MMP10: variants seen among roughly 807,000 people sequenced by gnomAD.
MMP10 encodes the protein matrix metallopeptidase 10.
In MMP10, 50 loss-of-function variants were observed where a neutral mutation model predicts 49.1. The observed-to-expected ratio is 1.02, with a 90% confidence interval of 0.81 to 1.29. The LOEUF (loss-of-function observed/expected upper bound fraction) is 1.29. MMP10 is among the 50% of genes most tolerant of loss of function. The pLI is 0.00. For missense variants in MMP10, 613 were observed against 563.8 expected, an observed-to-expected ratio of 1.09 and a Z score of -0.88; for synonymous variants, 229 against 201.6, an observed-to-expected ratio of 1.14 and a Z score of -1.15.
intron 9 of MMP10, among the ~76,000 whole-genome samples, chr11:102,771,583 C>T (rs1861976236): frequency 1.3e-5 from 2 of 152,168 alleles, no homozygotes; most frequent in African/African-American, 2.4e-5. Flanking sequence ...TGCAGGCAAT[C>T]GCAGACTGCA....
Position 102,776,743 on chromosome 11 carries a change from A to G in MMP10, c.656T>C (p.Leu219Pro). 6.2e-7 allele frequency: 1 copy of G among 1,614,064 alleles called. No individual in the cohort carries two copies. Among genetic ancestry groups the G allele is most frequent in the South Asian group, 1.1e-5 (1 of 91,080 alleles). Residue 219 changes from leucine to proline, a missense_variant, in exon 5 of 10, where the codon CTT becomes CCT. Physicochemically the swap from Leu to Pro is moderately conservative, Grantham distance 98 (BLOSUM62 -3). Transcript: ENST00000279441. ...TNLFLVAAHELGHSLGLFHSA... is the reference protein window; with the variant it reads ...TNLFLVAAHEPGHSLGLFHSA... ...GTGAAAGAGCCCCAGGGAGTGGCCA[A>G]GTTCATGAGCAGCAACGAGGAATAA...
chr11:102,778,802 CT>C (rs1209465590), intron 3 of MMP10, 53 bp from the exon 4 acceptor site: 2 of 1,600,994 alleles, frequency 1.2e-6, no homozygotes, highest in Non-Finnish European at 1.7e-6. Flanking sequence ...TCTTTTTACC[CT>C]GTTCCAATTA....
chr11:102,770,525 C>G lies in MMP10; in HGVS notation c.*268G>C. ...AGTAAGGAACAGGCCCAAAATAAAA[C>G]TTTTTATTGAGGAAGTAATAACACA... On this transcript the variant is annotated 3_prime_UTR_variant, in exon 10 of 10. Transcript: ENST00000279441. 3.1e-6 allele frequency: 1 copy of G among 326,724 alleles called. No homozygotes were observed. Among genetic ancestry groups the G allele is most frequent in the South Asian group, 8.3e-5 (1 of 12,066 alleles). The allele number at this position is 326,724 out of a possible 1,614,324, so 20.2% of individuals were successfully genotyped here.
At chr11:102,776,873 C>T (rs1857749000) in intron 4 of MMP10, 97 bp from the exon 5 acceptor site, 7 of 1,369,092 alleles carry the variant, frequency 5.1e-6, no homozygotes, top group Non-Finnish European at 6.1e-6. Context: ...TCCTTGAAAC[C>T]ACAATGTCTT....
rs567322328 is a variant in MMP10 at position 102,772,034 on chromosome 11, A to C, written c.1308T>G (p.Val436=). ...TACCAAATGCCTGTAATACAGCATC[A>C]ACCTTAGGCTCAACTCCTGGAAAGT... ...ADDFPGVEPK[V]DAVLQAFGFF... Residue 436 remains valine, a synonymous_variant, in exon 9 of 10, where the codon GTT becomes GTG. Coordinates refer to ENST00000279441, the MANE Select transcript of MMP10 (RefSeq NM_002425.3). The surrounding 1 kb of genome is among the most constrained non-coding windows in gnomAD (Gnocchi z 4.4). 4 of 1,612,402 alleles carry C rather than the reference A, an allele frequency of 2.5e-6. No individual in the cohort carries two copies. The Admixed American group carries it at 6.7e-5, about 27-fold the overall frequency.
At chr11:102,771,885 C>A in intron 9 of MMP10, 127 bp downstream of exon 9, 1 of 681,684 alleles carries the variant, frequency 1.5e-6, no homozygotes, top group Non-Finnish European at 2.5e-6. Flanking sequence ...TTAAGATTTT[C>A]AGGAATTTGG....
intron 6 of MMP10, among the ~76,000 whole-genome samples, chr11:102,775,574 T>C (rs1857716193): frequency 6.6e-6 from 1 of 152,128 alleles, no homozygotes; most frequent in South Asian, 2.1e-4. Context: ...TAAAAAATAT[T>C]ATGTGTATAT....
rs1857791881 is a variant in MMP10, at chr11:102,779,348, T to C, written c.361A>G (p.Thr121Ala). Reference protein sequence around the residue: ...THLTYRIVNYTPDLPRDAVDS... With the variant: ...THLTYRIVNYAPDLPRDAVDS... ...ACAGCATCTCTTGGCAAATCTGGTG[T>C]ATAATTCACAATCCTGGAGGAGAAA... is the stretch of plus-strand genomic sequence containing the variant. The change falls in exon 3 of 10, where the codon ACA becomes GCA. Residue 121 changes from threonine (T) to alanine (A), a missense_variant. By Grantham distance (58) the Thr-to-Ala change is moderately conservative (BLOSUM62 0). Transcript: ENST00000279441. 1 of 1,613,956 alleles carries C rather than the reference T, an allele frequency of 6.2e-7. No individual in the cohort carries two copies. The highest frequency in any genetic ancestry group is 1.1e-5 in the South Asian group (1 of 91,066).
At chr11:102,775,827 A>T (rs1857719215) in intron 6 of MMP10, among the ~76,000 whole-genome samples, 1 of 152,154 alleles carries the variant, frequency 6.6e-6, no homozygotes, top group Non-Finnish European at 1.5e-5. Context: ...GCTTCTAAGG[A>T]TCCACCAGTG....
chr11:102,771,925 A>C, intron 9 of MMP10, 87 bp downstream of exon 9: 1 of 854,674 alleles, frequency 1.2e-6, no homozygotes, highest in Non-Finnish European at 1.9e-6. Context: ...TGAATGATTT[A>C]AAAACTGTTT....
intron 6 of MMP10, 54 bp downstream of exon 6, chr11:102,776,226 C>CTG: frequency 6.6e-7 from 1 of 1,504,100 alleles, no homozygotes; most frequent in Non-Finnish European, 9.0e-7. Context: ...GTTTTTCTTT[C>CTG]TAAGCACTGT....
At position 102,773,501 on chromosome 11, in the gene MMP10, T is replaced by A. The variant is rs116369662; in HGVS notation, c.1067-495A>T. Reference sequence around the variant, plus strand: ...ATCTCTCTGCATTTACTTTGTTACATCACTCTCCCAGACCCCAAGCCTGAA... The same window carrying A: ...ATCTCTCTGCATTTACTTTGTTACAACACTCTCCCAGACCCCAAGCCTGAA... On this transcript the variant is annotated intron_variant, in intron 7 of 9. Coordinates refer to ENST00000279441, the MANE Select transcript of MMP10 (RefSeq NM_002425.3). Among the ~76,000 whole-genome samples the A allele has an allele frequency of 5.4e-3, 819 of 152,316 alleles. 6 individuals are homozygous for A. The highest frequency in any genetic ancestry group is 0.019 in the African/African-American group (791 of 41,566).
At position 102,775,294 on chromosome 11, in the gene MMP10, G is replaced by T; in HGVS notation, c.960C>A (p.Asn320Lys). 6.2e-7 allele frequency: 1 copy of T among 1,609,636 alleles called. No homozygotes were observed. Among genetic ancestry groups the T allele is most frequent in the Non-Finnish European group, 8.5e-7 (1 of 1,177,590 alleles). The part of the protein sequence containing the change: ...DRYFWRRSHW[N>K]PEPEFHLISA... ...AAATCAAATGAAATTCAGGTTCAGG[G>T]TTCCAGTGGGATCTTCGCCAAAAAT... is the stretch of plus-strand genomic sequence containing the variant. Residue 320 changes from asparagine to lysine, a missense_variant, in exon 7 of 10, where the codon AAC becomes AAA. Asn to Lys is a moderately conservative substitution (Grantham distance 94). Coordinates refer to ENST00000279441, the MANE Select transcript of MMP10 (RefSeq NM_002425.3).
intron 6 of MMP10, among the ~76,000 whole-genome samples, 179 bp downstream of exon 6, chr11:102,776,101 T>A (rs1857728615): frequency 6.6e-6 from 1 of 152,126 alleles, no homozygotes; most frequent in South Asian, 2.1e-4. Context: ...GGATTAGTAC[T>A]GGGGTGACAA....
intron 3 of MMP10, among the ~76,000 whole-genome samples, 175 bp downstream of exon 3, chr11:102,779,038 G>A (rs999484744): frequency 3.3e-5 from 5 of 152,218 alleles, no homozygotes; most frequent in Non-Finnish European, 7.3e-5. Context: ...CCATCTATGA[G>A]GAATAGGCTC....
Position 102,780,477 on chromosome 11 carries a change from C to G in MMP10, c.105+10G>C. 1 of 1,612,786 alleles carries G rather than the reference C, an allele frequency of 6.2e-7. No individual in the cohort carries two copies. Among genetic ancestry groups the G allele is most frequent in the South Asian group, 1.1e-5 (1 of 90,950 alleles). Reference sequence around the variant, plus strand: ...GGCCAGTAGCTGCAATAGATGCCACCGTTAATTACCTGGGCAAGATCCTTG... The same window carrying G: ...GGCCAGTAGCTGCAATAGATGCCACGGTTAATTACCTGGGCAAGATCCTTG... On this transcript the variant is annotated intron_variant, in intron 1 of 9. Transcript: ENST00000279441.
At position 102,780,596 on chromosome 11, in the gene MMP10, A is replaced by C. The variant is rs1339088928; in HGVS notation, c.-5T>G. On this transcript the variant is annotated 5_prime_UTR_variant, in exon 1 of 10. Coordinates refer to ENST00000279441, the MANE Select transcript of MMP10 (RefSeq NM_002425.3). ...AAGGAATGCAAGATGCATCATTCTC[A>C]CTGCCCTTACCTTCTTTGTCTACTG... 12 of 1,612,722 alleles carry C rather than the reference A, an allele frequency of 7.4e-6. No individual in the cohort carries two copies. The South Asian group carries it at 1.1e-4, about 15-fold the overall frequency.
In MMP10 at chr11:102,776,646, C is replaced by A; in HGVS notation, c.753G>T (p.Ser251=). ...SFTELAQFRL[S]QDDVNGIQSL... ...ACTGAATGCCATTCACATCATCTTG[C>A]GAAAGGCGGAACTGGGCGAGCTCTG... Residue 251 remains serine (S), a synonymous_variant, in exon 5 of 10, where the codon TCG becomes TCT. Transcript: ENST00000279441. 2.5e-6 allele frequency: 4 copies of A among 1,613,374 alleles called. No homozygotes were observed. Among genetic ancestry groups the A allele is most frequent in the Middle Eastern group, 1.7e-4 (1 of 6,048 alleles).
At chr11:102,773,233 T>C (rs1006962027) in intron 7 of MMP10, among the ~76,000 whole-genome samples, 3 of 152,350 alleles carry the variant, frequency 2.0e-5, no homozygotes, top group South Asian at 2.1e-4. Flanking sequence ...CTTATATATT[T>C]GTATCTATAT....
Sources: allele counts gnomAD v4.1 joint callset (sites outside exome capture counted in the v4.1 genomes callset), GRCh38; gene constraint gnomAD v4.1.1; non-coding constraint Gnocchi (gnomAD v3.1); transcripts MANE v1.5; gene names NCBI Gene and HGNC (gene_info 2026-07-23, HGNC 2026-07-21).